The following FAM167A variants were observed in gnomAD, a reference collection of about 807,000 sequenced individuals.
FAM167A encodes family with sequence similarity 167 member A.
Under a neutral mutation model 14.9 loss-of-function variants are expected in FAM167A, and 23 were observed. That is an observed-to-expected ratio of 1.55 (90% CI 1.11 to 2.19). The LOEUF is 2.19. FAM167A is among the 30% of genes most tolerant of loss of function. The probability of loss-of-function intolerance (pLI) is 0.00; values close to 1 mark genes in which losing one functional copy is unlikely to be tolerated. For missense variants in FAM167A, 401 were observed against 281.5 expected, an observed-to-expected ratio of 1.42 and a Z score of -3.04; for synonymous variants, 174 against 117.7, an observed-to-expected ratio of 1.48 and a Z score of -3.10.
chr8:11,422,571 G>T lies in FAM167A; in HGVS notation c.*1802C>A, dbSNP rs553508041. 6.2e-4 allele frequency: 95 copies of T among 152,710 alleles called. No homozygotes were observed. The highest frequency in any genetic ancestry group is 1.9e-3 in the African/African-American group (80 of 41,560). 9.5% of individuals were successfully genotyped at this position (152,710 alleles called of 1,614,324 possible). A position where few individuals can be genotyped will look rare whatever the true frequency, so the allele number is the denominator to read the frequency against. ...CAGAGCATGGCAGACAGTAGATCTT[G>T]GCTGCGTTGTTCTGCCTACTTTGAA... On this transcript the variant is annotated 3_prime_UTR_variant, in exon 3 of 3. Coordinates refer to ENST00000284486, the MANE Select transcript of FAM167A (RefSeq NM_053279.3).
intron 2 of FAM167A, among the ~76,000 whole-genome samples, chr8:11,439,186 G>A (rs971936887): frequency 1.3e-5 from 2 of 152,220 alleles, no homozygotes; most frequent in East Asian, 3.8e-4. Context: ...CAACCTTTCT[G>A]AGCCTCAGTC....
At chr8:11,435,219 C>T in intron 2 of FAM167A, 1 of 430,770 alleles carries the variant, frequency 2.3e-6, no homozygotes, top group Non-Finnish European at 4.7e-6. Context: ...GGTCCCTTCT[C>T]CACCTGTCAC....
Position 11,444,486 on chromosome 8 carries a change from T to C in FAM167A, c.-75A>G. On this transcript the variant is annotated 5_prime_UTR_variant, in exon 2 of 3. Coordinates refer to ENST00000284486, the MANE Select transcript of FAM167A (RefSeq NM_053279.3). ...GGGGAGGCTTGGTGGGTGGCACAGT[T>C]GGGTCCCGCTCTGGGATGGCCTCAT... The C allele has an allele frequency of 2.0e-6, 3 of 1,496,248 alleles. No homozygotes were observed. The highest frequency in any genetic ancestry group is 2.7e-6 in the Non-Finnish European group (3 of 1,128,152). The allele number at this position is 1,496,248 out of a possible 1,614,324, so 92.7% of individuals were successfully genotyped here. A position where few individuals can be genotyped will look rare whatever the true frequency, so the allele number is the denominator to read the frequency against.
At chr8:11,429,572 G>C (rs10503423) in intron 2 of FAM167A, among the ~76,000 whole-genome samples, 51,483 of 152,182 alleles carry the variant, frequency 0.34, 9,680 homozygotes, top group East Asian at 0.66. Flanking sequence ...TGTGATTTTA[G>C]TCTGTCTTAC....
chr8:11,475,455 G>A (rs13257831), intron 1 of FAM167A, among the ~76,000 whole-genome samples: 2 of 151,748 alleles, frequency 1.3e-5, no homozygotes, highest in Non-Finnish European at 2.9e-5. Context: ...AGCTGCGCAA[G>A]TCACTCAGGC....
upstream of FAM167A, among the ~76,000 whole-genome samples, chr8:11,471,157 G>C (rs976585137): frequency 2.6e-5 from 4 of 152,186 alleles, no homozygotes; most frequent in African/African-American, 7.2e-5. Flanking sequence ...TGAGGCGGAG[G>C]AGTGGGCTTC....
chr8:11,453,837 G>A (rs144646216), intron 1 of FAM167A, among the ~76,000 whole-genome samples: 1 of 152,114 alleles, frequency 6.6e-6, no homozygotes, highest in Admixed American at 6.5e-5. Flanking sequence ...CATAAACACT[G>A]CAGGGAAGGC....
chr8:11,433,695 A>C (rs1171976841), intron 2 of FAM167A, among the ~76,000 whole-genome samples: 1 of 152,158 alleles, frequency 6.6e-6, no homozygotes, highest in East Asian at 1.9e-4. Context: ...CTGGTCCCTT[A>C]AAGTCAGGCT....
At chr8:11,455,162 T>C (rs1348773403) in intron 1 of FAM167A, among the ~76,000 whole-genome samples, 2 of 132,482 alleles carry the variant, frequency 1.5e-5, no homozygotes, top group African/African-American at 5.7e-5. Flanking sequence ...GTGACTGTGG[T>C]GGGGTTGTTG....
At chr8:11,451,742 G>A (rs1043491402) in intron 1 of FAM167A, among the ~76,000 whole-genome samples, 7 of 152,184 alleles carry the variant, frequency 4.6e-5, no homozygotes, top group Non-Finnish European at 8.8e-5. Context: ...TGGTTAGGGC[G>A]CATCTGTGAA....
At chr8:11,442,699 C>G (rs1032877719) in intron 2 of FAM167A, among the ~76,000 whole-genome samples, 1 of 152,032 alleles carries the variant, frequency 6.6e-6, no homozygotes, top group African/African-American at 2.4e-5. Flanking sequence ...TTATACCCCC[C>G]ACCAAGAGCA....
intron 2 of FAM167A, among the ~76,000 whole-genome samples, chr8:11,440,021 T>A (rs1186249520): frequency 6.6e-6 from 1 of 152,064 alleles, no homozygotes; most frequent in Admixed American, 6.5e-5. Context: ...CCCTACTTCC[T>A]CAAGCAATGC....
At position 11,452,473 on chromosome 8, in the gene FAM167A, CCA is replaced by C; in HGVS notation, c.-397-7667_-397-7666del. On this transcript the variant is annotated intron_variant, in intron 1 of 2. Transcript: ENST00000284486. ...GGCTGTTTCAGGACTGTGACAGTCC[CCA>C]GAGGGAGAGGGGGTGAGCAGAGGCA... 2.0e-5 allele frequency among the ~76,000 whole-genome samples: 3 copies of C among 152,200 alleles called. No homozygotes were observed. In the South Asian group the frequency reaches 6.2e-4, roughly 32 times the overall value.
chr8:11,460,008 G>A (rs1480003074), intron 1 of FAM167A, among the ~76,000 whole-genome samples: 3 of 152,204 alleles, frequency 2.0e-5, no homozygotes, highest in Non-Finnish European at 2.9e-5. Context: ...GATTACAGGC[G>A]TGAGCCACCG....
chr8:11,473,286 G>T (rs559822369), intron 1 of FAM167A, among the ~76,000 whole-genome samples: 5 of 152,270 alleles, frequency 3.3e-5, no homozygotes, highest in Non-Finnish European at 5.9e-5. Context: ...ACACTGGTGT[G>T]GGGGGAAGCT....
At chr8:11,433,199 T>TATG (rs1435563978) in intron 2 of FAM167A, among the ~76,000 whole-genome samples, 1 of 146,872 alleles carries the variant, frequency 6.8e-6, no homozygotes, top group African/African-American at 2.5e-5. Flanking sequence ...GAACTTAAAG[T>TATG]ATGATAAAAA....
At chr8:11,432,707 T>C (rs1450058936) in intron 2 of FAM167A, among the ~76,000 whole-genome samples, 1 of 152,222 alleles carries the variant, frequency 6.6e-6, no homozygotes, top group Admixed American at 6.5e-5. Context: ...GCAATCCCAT[T>C]ACTGGGCATA....
chr8:11,438,473 A>G, intron 2 of FAM167A: 1 of 457,438 alleles, frequency 2.2e-6, no homozygotes, highest in Admixed American at 2.3e-5. Flanking sequence ...TGAAGAATGC[A>G]TACCGATTAC....
chr8:11,444,973 C>T, intron 1 of FAM167A, 165 bp from the exon 2 acceptor site: 1 of 631,636 alleles, frequency 1.6e-6, no homozygotes, highest in Non-Finnish European at 2.0e-6. Flanking sequence ...TGCCTTAATT[C>T]AATGCAGAGA....
Sources: allele counts gnomAD v4.1 joint callset (sites outside exome capture counted in the v4.1 genomes callset), GRCh38; gene constraint gnomAD v4.1.1; transcripts MANE v1.5; gene names NCBI Gene and HGNC (gene_info 2026-07-23, HGNC 2026-07-21).